PIK3C2G: variants seen among roughly 807,000 people sequenced by gnomAD.
The protein encoded by PIK3C2G is phosphatidylinositol-4-phosphate 3-kinase catalytic subunit type 2 gamma, also known as phosphatidylinositol 3-kinase C2 domain-containing subunit gamma.
In PIK3C2G, 168 loss-of-function variants were observed where a neutral mutation model predicts 181.1. That is an observed-to-expected ratio of 0.93 (90% confidence interval 0.82 to 1.05). The LOEUF is 1.05. Among genes scored for constraint, PIK3C2G ranks in the 50% least tolerant of loss-of-function variants. The pLI is 0.00. For missense variants in PIK3C2G, 1,869 were observed against 1,732.8 expected, an observed-to-expected ratio of 1.08 and a Z score of -1.40; for synonymous variants, 573 against 592.2, an observed-to-expected ratio of 0.97 and a Z score of 0.47.
In PIK3C2G at chr12:18,595,355, G is replaced by A. The variant is rs543364233; in HGVS notation, c.4087+786G>A. On this transcript the variant is annotated intron_variant, in intron 30 of 32. Coordinates refer to ENST00000538779, the MANE Select transcript of PIK3C2G (RefSeq NM_001288772.2). The stretch of plus-strand genomic sequence containing the variant: ...AAATGATTACAGGGTGAAATCATTC[G>A]AGTGTATTAAAGTGTTGGTTAACCT... Among the ~76,000 whole-genome samples, 22 of 152,152 alleles carry A rather than the reference G, an allele frequency of 1.4e-4. 1 individual carries two copies. The highest frequency in any genetic ancestry group is 3.3e-4 in the Admixed American group (5 of 15,260).
At chr12:18,321,652 C>T (rs1322964241) in intron 7 of PIK3C2G, among the ~76,000 whole-genome samples, 1 of 152,068 alleles carries the variant, frequency 6.6e-6, no homozygotes, top group Non-Finnish European at 1.5e-5. Context: ...AAAGTAAAGG[C>T]TGATATAACA....
intron 18 of PIK3C2G, among the ~76,000 whole-genome samples, chr12:18,442,441 C>T (rs920440285): frequency 1.3e-5 from 2 of 152,024 alleles, no homozygotes; most frequent in Non-Finnish European, 2.9e-5. Flanking sequence ...GCAATAATGG[C>T]ATGATAATTA....
the PIK3C2G span, chr12:18,705,342 A>T: frequency 1.9e-6 from 3 of 1,613,086 alleles, no homozygotes; most frequent in Non-Finnish European, 2.5e-6. Flanking sequence ...TACTATGGTT[A>T]TTCATCAAAA....
intron 29 of PIK3C2G, among the ~76,000 whole-genome samples, chr12:18,573,344 A>T (rs1025614142): frequency 9.2e-5 from 14 of 152,190 alleles, no homozygotes; most frequent in African/African-American, 2.9e-4. Flanking sequence ...AGATACAGCC[A>T]TCTGGGGTCC....
intron 25 of PIK3C2G, among the ~76,000 whole-genome samples, chr12:18,540,377 T>C (rs1379984894): frequency 2.0e-5 from 3 of 151,838 alleles, no homozygotes. Context: ...AGCACAAATA[T>C]AAGTTATGCT....
At chr12:18,333,073 G>T (rs1317292085) in intron 8 of PIK3C2G, among the ~76,000 whole-genome samples, 3 of 151,992 alleles carry the variant, frequency 2.0e-5, no homozygotes, top group African/African-American at 4.8e-5. Context: ...CTTACTCATG[G>T]ATATGGTGAC....
chr12:18,361,270 T>A (rs934297090), intron 11 of PIK3C2G, among the ~76,000 whole-genome samples: 2 of 152,330 alleles, frequency 1.3e-5, no homozygotes, highest in East Asian at 3.9e-4. Flanking sequence ...ATTTTTATAA[T>A]ATTTTCTATA....
At chr12:18,315,392 A>T (rs1408564902) in intron 6 of PIK3C2G, among the ~76,000 whole-genome samples, 1 of 152,120 alleles carries the variant, frequency 6.6e-6, no homozygotes, top group Non-Finnish European at 1.5e-5. Flanking sequence ...ATTGCCCTCA[A>T]TGTTGAGAAA....
At chr12:18,674,385 G>A in the PIK3C2G span, among the ~76,000 whole-genome samples, 3 of 139,330 alleles carry the variant, frequency 2.2e-5, no homozygotes, top group African/African-American at 7.6e-5. Context: ...GCAATAGAAT[G>A]TGAGATTTAT....
intron 1 of PIK3C2G, among the ~76,000 whole-genome samples, chr12:18,280,921 T>C (rs568116211): frequency 1.3e-5 from 2 of 152,044 alleles, no homozygotes; most frequent in African/African-American, 4.8e-5. Context: ...TGGTGGATTA[T>C]TGGATATAGA....
intron 18 of PIK3C2G, among the ~76,000 whole-genome samples, chr12:18,485,062 C>T (rs1939902610): frequency 6.6e-6 from 1 of 152,136 alleles, no homozygotes; most frequent in African/African-American, 2.4e-5. Flanking sequence ...GATGTTGTTT[C>T]CTCTCTTGAC....
chr12:18,360,335 A>T (rs894017899), intron 11 of PIK3C2G, among the ~76,000 whole-genome samples: 1 of 152,166 alleles, frequency 6.6e-6, no homozygotes, highest in Non-Finnish European at 1.5e-5. Flanking sequence ...TTTATATTAC[A>T]TATCAATTTA....
chr12:18,318,239 A>C (rs2137438823), intron 6 of PIK3C2G, among the ~76,000 whole-genome samples: 1 of 152,270 alleles, frequency 6.6e-6, no homozygotes, highest in East Asian at 1.9e-4. Context: ...TCTTAATTGA[A>C]ATTTCTATAT....
intron 24 of PIK3C2G, among the ~76,000 whole-genome samples, chr12:18,508,832 T>C (rs1942022934): frequency 6.6e-6 from 1 of 152,134 alleles, no homozygotes; most frequent in Non-Finnish European, 1.5e-5. Flanking sequence ...TAATGTCTCA[T>C]AGTCTGACAA....
At chr12:18,257,184 G>A (rs1223856192), upstream of PIK3C2G, among the ~76,000 whole-genome samples, 1 of 152,220 alleles carries the variant, frequency 6.6e-6, no homozygotes, top group African/African-American at 2.4e-5. Context: ...TCAAAAGGGA[G>A]GTTGAAAAAG....
chr12:18,702,434 C>G, the PIK3C2G span, among the ~76,000 whole-genome samples: 1 of 152,080 alleles, frequency 6.6e-6, no homozygotes, highest in African/African-American at 2.4e-5. Flanking sequence ...TTTAATTTAA[C>G]AAGTACATTT....
At chr12:18,321,814 T>G (rs1199141722) in intron 7 of PIK3C2G, among the ~76,000 whole-genome samples, 1 of 152,078 alleles carries the variant, frequency 6.6e-6, no homozygotes, top group Non-Finnish European at 1.5e-5. Flanking sequence ...CTAGAAGCCA[T>G]TATCCTCAAC....
intron 2 of PIK3C2G, among the ~76,000 whole-genome samples, chr12:18,286,050 T>C (rs1198391078): frequency 1.3e-5 from 2 of 152,038 alleles, no homozygotes; most frequent in Non-Finnish European, 2.9e-5. Flanking sequence ...AGAAAAAGTA[T>C]ATTTCAGGGC....
chr12:18,449,289 AT>A (rs1270026871), intron 18 of PIK3C2G, among the ~76,000 whole-genome samples: 7 of 151,386 alleles, frequency 4.6e-5, no homozygotes, highest in South Asian at 2.1e-4. Flanking sequence ...ATTATTTATT[AT>A]TTTTTTTATT....
Sources: allele counts gnomAD v4.1 joint callset (sites outside exome capture counted in the v4.1 genomes callset), GRCh38; gene constraint gnomAD v4.1.1; transcripts MANE v1.5; gene names NCBI Gene and HGNC (gene_info 2026-07-23, HGNC 2026-07-21).